The following ZDHHC23 variants were observed in gnomAD, a reference collection of about 807,000 sequenced individuals.
ZDHHC23 encodes zDHHC palmitoyltransferase 23.
A neutral mutation model predicts 40.2 loss-of-function variants in ZDHHC23; 41 were observed. That is an observed-to-expected ratio of 1.02 (90% CI 0.79 to 1.32). The LOEUF (loss-of-function observed/expected upper bound fraction) is 1.32. Ranked by LOEUF, ZDHHC23 falls within the 40% of genes most tolerant of loss-of-function variation. The probability of loss-of-function intolerance (pLI) is 0.00; values close to 1 mark genes in which losing one functional copy is unlikely to be tolerated. For missense variants in ZDHHC23, 471 were observed against 541.5 expected, an observed-to-expected ratio of 0.87 and a Z score of 1.29; for synonymous variants, 204 against 210.2, an observed-to-expected ratio of 0.97 and a Z score of 0.26.
At position 113,960,491 on chromosome 3, in the gene ZDHHC23, A is replaced by C; in HGVS notation, c.*1861A>C. On this transcript the variant is annotated 3_prime_UTR_variant, in exon 5 of 5. Transcript: ENST00000638807. ...GTCAAGGATAGCCTGTGTGGGCAGA[A>C]ATTGGTAGTCGTGCTTTTGAATGTC... is the stretch of plus-strand genomic sequence containing the variant. The C allele has an allele frequency of 7.1e-7, 1 of 1,398,844 alleles. No homozygotes were observed. Among genetic ancestry groups the C allele is most frequent in the Non-Finnish European group, 9.2e-7 (1 of 1,084,442 alleles). The allele number at this position is 1,398,844 out of a possible 1,614,324, so 86.7% of individuals were successfully genotyped here. A position where few individuals can be genotyped will look rare whatever the true frequency, so the allele number is the denominator to read the frequency against.
chr3:113,968,723 G>A (rs35373479), downstream of ZDHHC23, among the ~76,000 whole-genome samples: 2 of 151,666 alleles, frequency 1.3e-5, no homozygotes, highest in African/African-American at 2.4e-5. Flanking sequence ...GCCTCCCAAA[G>A]TGTTGGGATT....
At chr3:113,952,402 T>C (rs1423733843) in intron 2 of ZDHHC23, among the ~76,000 whole-genome samples, 7 of 152,212 alleles carry the variant, frequency 4.6e-5, no homozygotes, top group Admixed American at 1.3e-4. Flanking sequence ...TTACTGTCCA[T>C]ATTTCTGCGA....
intron 2 of ZDHHC23, among the ~76,000 whole-genome samples, chr3:113,952,974 G>A (rs970434018): frequency 2.0e-5 from 3 of 152,132 alleles, no homozygotes; most frequent in Non-Finnish European, 4.4e-5. Context: ...AATTTTGGGG[G>A]CATAAACATT....
chr3:113,954,354 A>G lies in ZDHHC23; in HGVS notation c.816A>G (p.Ala272=), dbSNP rs756560828. 1 of 1,613,064 alleles carries G rather than the reference A, an allele frequency of 6.2e-7. No individual in the cohort carries two copies. Among genetic ancestry groups the G allele is most frequent in the Non-Finnish European group, 8.5e-7 (1 of 1,179,362 alleles). ...GCCAGCTGGTGCGACCAGCCCGGGCATGGCACTGCCGGATATGTGGCATCT... is the reference window on the plus strand; with the variant it reads ...GCCAGCTGGTGCGACCAGCCCGGGCGTGGCACTGCCGGATATGTGGCATCT... ...AKCQLVRPAR[A]WHCRICGICV... Residue 272 remains alanine (A), a synonymous_variant, in exon 3 of 5, where the codon GCA becomes GCG. Coordinates refer to ENST00000638807, the MANE Select transcript of ZDHHC23 (RefSeq NM_001320466.2).
At position 113,948,677 on chromosome 3, in the gene ZDHHC23, A is replaced by T. The variant is rs1381990828; in HGVS notation, c.-117-9A>T. The T allele has an allele frequency of 8.8e-7, 1 of 1,132,430 alleles. No individual in the cohort carries two copies. The highest frequency in any genetic ancestry group is 1.6e-5 in the African/African-American group (1 of 64,274). 70.1% of individuals were successfully genotyped at this position (1,132,430 alleles called of 1,614,324 possible). ...CTCCCCCTCTCTCTTCTCATTTTTG[A>T]TTGCTCAGGCGTTGGAGGTTAAGCA... is the stretch of plus-strand genomic sequence containing the variant. On this transcript the variant is annotated splice_polypyrimidine_tract_variant and intron_variant, in intron 1 of 4. Transcript: ENST00000638807.
rs1577275083 is a variant in ZDHHC23 at position 113,959,772 on chromosome 3, A to G, written c.*1142A>G. ...CACTTAACTTGCACATTAATTCTCA[A>G]TTACCCCTCCCTAAATAACAGTATC... On this transcript the variant is annotated 3_prime_UTR_variant, in exon 5 of 5. Coordinates refer to ENST00000638807, the MANE Select transcript of ZDHHC23 (RefSeq NM_001320466.2). 9.4e-7 allele frequency: 1 copy of G among 1,069,178 alleles called. No individual in the cohort carries two copies. The highest frequency in any genetic ancestry group is 1.2e-6 in the Non-Finnish European group (1 of 869,168). 66.2% of individuals were successfully genotyped at this position (1,069,178 alleles called of 1,614,324 possible).
intron 4 of ZDHHC23, chr3:113,957,841 C>T (rs371105326): frequency 3.9e-6 from 2 of 518,250 alleles, no homozygotes; most frequent in African/African-American, 1.9e-5. Context: ...TCTCGGTGTT[C>T]CTACATCCAG....
chr3:113,976,816 A>C, the ZDHHC23 span, among the ~76,000 whole-genome samples: 1 of 152,182 alleles, frequency 6.6e-6, no homozygotes, highest in Non-Finnish European at 1.5e-5. Flanking sequence ...GTTCAGGGTC[A>C]CATAGATATT....
At position 113,959,256 on chromosome 3, in the gene ZDHHC23, T is replaced by C; in HGVS notation, c.*626T>C. ...TAATCAGTTTTCAGCATATACCTTGTTGTACAGTTATGAGAATTTCTCCTT... is the reference window on the plus strand; with the variant it reads ...TAATCAGTTTTCAGCATATACCTTGCTGTACAGTTATGAGAATTTCTCCTT... On this transcript the variant is annotated 3_prime_UTR_variant, in exon 5 of 5. Coordinates refer to ENST00000638807, the MANE Select transcript of ZDHHC23 (RefSeq NM_001320466.2). The C allele has an allele frequency of 9.2e-7, 1 of 1,083,214 alleles. No individual in the cohort carries two copies. Among genetic ancestry groups the C allele is most frequent in the South Asian group, 2.7e-5 (1 of 36,752 alleles). The allele number at this position is 1,083,214 out of a possible 1,614,324, so 67.1% of individuals were successfully genotyped here.
chr3:113,960,452 G>A lies in ZDHHC23; in HGVS notation c.*1822G>A, dbSNP rs1577276521. Reference sequence around the variant, plus strand: ...CTTTCTATACAGGTTTTACATAAGAGAGACAGTAATAATGTCAAGGATAGC... The same window carrying A: ...CTTTCTATACAGGTTTTACATAAGAAAGACAGTAATAATGTCAAGGATAGC... On this transcript the variant is annotated 3_prime_UTR_variant, in exon 5 of 5. Coordinates refer to ENST00000638807, the MANE Select transcript of ZDHHC23 (RefSeq NM_001320466.2). 7.3e-7 allele frequency: 1 copy of A among 1,360,930 alleles called. No individual in the cohort carries two copies. Among genetic ancestry groups the A allele is most frequent in the Non-Finnish European group, 9.4e-7 (1 of 1,063,208 alleles). The allele number at this position is 1,360,930 out of a possible 1,614,324, so 84.3% of individuals were successfully genotyped here.
chr3:113,962,622 C>T lies in ZDHHC23; in HGVS notation c.*3992C>T, dbSNP rs1405250204. The T allele has an allele frequency of 1.3e-5, 2 of 152,138 alleles. No individual in the cohort carries two copies. The highest frequency in any genetic ancestry group is 2.9e-5 in the Non-Finnish European group (2 of 68,028). The allele number at this position is 152,138 out of a possible 1,614,324, so 9.4% of individuals were successfully genotyped here. A position where few individuals can be genotyped will look rare whatever the true frequency, so the allele number is the denominator to read the frequency against. ...CCTGCAGTCTCAACTCATTGTGATC[C>T]TAATGGTCTGGGTGATTGGATGGTT... On this transcript the variant is annotated 3_prime_UTR_variant, in exon 5 of 5. Coordinates refer to ENST00000638807, the MANE Select transcript of ZDHHC23 (RefSeq NM_001320466.2).
downstream of ZDHHC23, chr3:113,965,280 G>C: frequency 6.2e-7 from 1 of 1,611,774 alleles, no homozygotes. Flanking sequence ...AGTTGCTGTC[G>C]CCTTTCTTCT....
chr3:113,965,315 T>G, downstream of ZDHHC23: 1 of 1,610,354 alleles, frequency 6.2e-7, no homozygotes. Flanking sequence ...TTTCATAAAT[T>G]TTACAAACTT....
At chr3:113,978,672 A>G in the ZDHHC23 span, 1 of 668,604 alleles carries the variant, frequency 1.5e-6, no homozygotes, top group African/African-American at 1.8e-5. Flanking sequence ...ACACAGGCTT[A>G]GGATTTTACA....
downstream of ZDHHC23, among the ~76,000 whole-genome samples, chr3:113,963,953 G>GACA (rs1167684606): frequency 2.0e-5 from 3 of 147,284 alleles, no homozygotes; most frequent in East Asian, 2.0e-4. Flanking sequence ...TTTTTTAAAT[G>GACA]ACAACTGTAT....
chr3:113,957,603 C>T (rs1269372125), intron 4 of ZDHHC23: 6 of 440,352 alleles, frequency 1.4e-5, no homozygotes, highest in Middle Eastern at 7.0e-4. Flanking sequence ...ATTCACAGCA[C>T]CTCATCTTTT....
the ZDHHC23 span, chr3:113,979,094 T>A: frequency 7.7e-7 from 1 of 1,291,848 alleles, no homozygotes; most frequent in Non-Finnish European, 1.1e-6. Flanking sequence ...AATGATGCTA[T>A]AAAACACATT....
chr3:113,965,103 C>T, downstream of ZDHHC23: 2 of 1,158,998 alleles, frequency 1.7e-6, no homozygotes, highest in South Asian at 1.6e-5. Context: ...GTGGAGATAA[C>T]ACACATACAG....
chr3:113,959,032 C>T lies in ZDHHC23; in HGVS notation c.*402C>T, dbSNP rs1238705167. On this transcript the variant is annotated 3_prime_UTR_variant, in exon 5 of 5. Transcript: ENST00000638807. Reference sequence around the variant, plus strand: ...CTAGCTGAGTCACTTTCCCAAGTCTCAGGGTCATCTGCAAAGTGGGGTACT... The same window carrying T: ...CTAGCTGAGTCACTTTCCCAAGTCTTAGGGTCATCTGCAAAGTGGGGTACT... The T allele has an allele frequency of 1.9e-6, 2 of 1,073,496 alleles. No individual in the cohort carries two copies. The highest frequency in any genetic ancestry group is 6.0e-5 in the East Asian group (1 of 16,684). The allele number at this position is 1,073,496 out of a possible 1,614,324, so 66.5% of individuals were successfully genotyped here. A position where few individuals can be genotyped will look rare whatever the true frequency, so the allele number is the denominator to read the frequency against.
Sources: allele counts gnomAD v4.1 joint callset (sites outside exome capture counted in the v4.1 genomes callset), GRCh38; gene constraint gnomAD v4.1.1; transcripts MANE v1.5; gene names NCBI Gene and HGNC (gene_info 2026-07-23, HGNC 2026-07-21).